MNAT1: variants seen among roughly 807,000 people sequenced by gnomAD.
MNAT1 encodes CDK-activating kinase assembly factor MAT1.
Under a neutral mutation model 42.0 loss-of-function variants are expected in MNAT1, and 43 were observed. That is an observed-to-expected ratio of 1.02 (90% CI 0.80 to 1.32). The LOEUF is 1.32. MNAT1 is among the 40% of genes most tolerant of loss of function. MNAT1 has a pLI of 0.00. For missense variants in MNAT1, 306 were observed against 350.4 expected (o/e 0.87, Z 1.01); for synonymous variants, 118 against 120.0 (o/e 0.98, Z 0.11).
intron 6 of MNAT1, among the ~76,000 whole-genome samples, chr14:60,846,643 A>T (rs1168253958): frequency 6.6e-6 from 1 of 151,834 alleles, no homozygotes; most frequent in African/African-American, 2.4e-5. Context: ...TTTTCTTGTG[A>T]TTTCTTGTTT....
chr14:60,939,960 T>A (rs2036105038), intron 7 of MNAT1, among the ~76,000 whole-genome samples: 2 of 152,328 alleles, frequency 1.3e-5, no homozygotes, highest in South Asian at 4.1e-4. Context: ...CTCTTCTTGT[T>A]GAATTGATCC....
intron 7 of MNAT1, among the ~76,000 whole-genome samples, chr14:60,906,789 G>T (rs958525569): frequency 1.3e-5 from 2 of 152,062 alleles, no homozygotes; most frequent in African/African-American, 2.4e-5. Flanking sequence ...ACTCGTTTCT[G>T]AAAAAATCTT....
intron 7 of MNAT1, among the ~76,000 whole-genome samples, chr14:60,932,822 C>T (rs2035917319): frequency 6.6e-6 from 1 of 151,946 alleles, no homozygotes. Context: ...AGTGTTTTTG[C>T]ATCATAATTT....
At chr14:60,954,858 T>G (rs1220960665) in intron 7 of MNAT1, among the ~76,000 whole-genome samples, 1 of 152,130 alleles carries the variant, frequency 6.6e-6, no homozygotes, top group Non-Finnish European at 1.5e-5. Context: ...TCGTATTTTA[T>G]ATATATATGG....
chr14:60,754,049 C>T (rs917623041), intron 1 of MNAT1: 1 of 152,200 alleles, frequency 6.6e-6, no homozygotes, highest in Non-Finnish European at 1.5e-5. Context: ...TTCTACTAAC[C>T]GCCAAGTCAG....
rs181200390 is a variant in MNAT1, at chr14:60,901,200, T to C, written c.809+21365T>C. ...CTAAATCTACTCTGCCTGTGCTTTA[T>C]AAATGGAATGAAAAAGCCAGGATGA... On this transcript the variant is annotated intron_variant, in intron 7 of 7. Coordinates refer to ENST00000261245, the MANE Select transcript of MNAT1 (RefSeq NM_002431.4). Among the ~76,000 whole-genome samples the C allele has an allele frequency of 5.9e-5, 9 of 152,156 alleles. No individual in the cohort carries two copies. The East Asian group carries it at 1.7e-3, about 29-fold the overall frequency.
chr14:60,738,411 A>G (rs1421939453), intron 1 of MNAT1, among the ~76,000 whole-genome samples: 1 of 151,774 alleles, frequency 6.6e-6, no homozygotes, highest in Non-Finnish European at 1.5e-5. Flanking sequence ...GCATGCCACC[A>G]TGCCCGGCTA....
chr14:60,794,037 A>G (rs191795872), intron 1 of MNAT1, among the ~76,000 whole-genome samples: 18 of 152,306 alleles, frequency 1.2e-4, no homozygotes, highest in Non-Finnish European at 7.4e-5. Context: ...ACGTTTAGAA[A>G]TATTAATGTT....
chr14:60,859,603 A>C (rs2034047235), intron 6 of MNAT1, among the ~76,000 whole-genome samples: 1 of 152,248 alleles, frequency 6.6e-6, no homozygotes, highest in Non-Finnish European at 1.5e-5. Flanking sequence ...AATGGTTCTT[A>C]ACTCATTTCT....
At chr14:60,916,259 A>C (rs534706888) in intron 7 of MNAT1, among the ~76,000 whole-genome samples, 26 of 152,212 alleles carry the variant, frequency 1.7e-4, no homozygotes, top group Admixed American at 7.9e-4. Flanking sequence ...TAAAAATGAC[A>C]TATTGAAGAG....
chr14:60,906,432 C>T (rs1329579421), intron 7 of MNAT1, among the ~76,000 whole-genome samples: 4 of 152,060 alleles, frequency 2.6e-5, no homozygotes, highest in South Asian at 4.2e-4. Context: ...CAAGGGGCAG[C>T]GTGAATGCAA....
intron 7 of MNAT1, among the ~76,000 whole-genome samples, chr14:60,882,318 T>G (rs549680449): frequency 2.0e-5 from 3 of 152,168 alleles, no homozygotes; most frequent in Non-Finnish European, 4.4e-5. Context: ...CACAAATAAG[T>G]GGGAACATGC....
At chr14:60,814,549 C>T (rs1350090233) in intron 5 of MNAT1, among the ~76,000 whole-genome samples, 1 of 151,596 alleles carries the variant, frequency 6.6e-6, no homozygotes, top group Non-Finnish European at 1.5e-5. Context: ...TGCTATTATC[C>T]TATGATTGGG....
At chr14:60,738,608 T>C (rs1460547207) in intron 1 of MNAT1, among the ~76,000 whole-genome samples, 1 of 151,902 alleles carries the variant, frequency 6.6e-6, no homozygotes, top group Non-Finnish European at 1.5e-5. Flanking sequence ...GCGTGATAGC[T>C]CACCACAACC....
chr14:60,819,388 GT>G (rs1212653905), intron 6 of MNAT1, among the ~76,000 whole-genome samples: 64 of 143,686 alleles, frequency 4.5e-4, no homozygotes, highest in East Asian at 6.0e-4. Flanking sequence ...ACTTTTACAG[GT>G]TTTTTTTTTT....
At chr14:60,814,340 A>T (rs551644502) in intron 5 of MNAT1, among the ~76,000 whole-genome samples, 19 of 152,146 alleles carry the variant, frequency 1.2e-4, no homozygotes, top group Non-Finnish European at 2.2e-4. Context: ...TGGATTTATT[A>T]CTATATTATT....
intron 1 of MNAT1, among the ~76,000 whole-genome samples, chr14:60,743,940 T>C (rs1296648873): frequency 6.6e-6 from 1 of 152,168 alleles, no homozygotes; most frequent in African/African-American, 2.4e-5. Context: ...TTTATCTTTT[T>C]TATAGTTTTC....
chr14:60,881,994 T>C (rs1265228115), intron 7 of MNAT1, among the ~76,000 whole-genome samples: 2 of 151,952 alleles, frequency 1.3e-5, no homozygotes, highest in Non-Finnish European at 2.9e-5. Context: ...ACCCCGACTC[T>C]ACTAAAAATA....
chr14:60,824,085 C>T (rs1349469532), intron 6 of MNAT1, among the ~76,000 whole-genome samples: 4 of 151,946 alleles, frequency 2.6e-5, no homozygotes, highest in East Asian at 1.9e-4. Flanking sequence ...TGAACCAGGG[C>T]GGCAGAGGTT....
Sources: gnomAD v4.1 joint callset for allele counts (sites outside exome capture counted in the v4.1 genomes callset) on GRCh38, gnomAD v4.1.1 for gene constraint, MANE v1.5 for transcripts, NCBI Gene and HGNC (gene_info 2026-07-23, HGNC 2026-07-21) for gene names.